AVL9: variants seen among roughly 807,000 people sequenced by gnomAD.
The protein encoded by AVL9 is late secretory pathway protein AVL9 homolog.
In AVL9, 49 loss-of-function variants were observed where a neutral mutation model predicts 79.2. The observed-to-expected ratio is 0.62, with a 90% CI of 0.49 to 0.79. The LOEUF (loss-of-function observed/expected upper bound fraction) is 0.79. AVL9 is among the 30% of genes least tolerant of loss of function. The pLI is 0.00. For missense variants in AVL9, 682 were observed against 776.8 expected (o/e 0.88, Z 1.45); for synonymous variants, 299 against 280.6 (o/e 1.07, Z -0.65).
At chr7:32,578,345 A>AT (rs1791191569) in intron 13 of AVL9, among the ~76,000 whole-genome samples, 1 of 152,134 alleles carries the variant, frequency 6.6e-6, no homozygotes, top group Non-Finnish European at 1.5e-5. Context: ...ATTAATGCAG[A>AT]TTTTCTCTAC....
At chr7:32,547,655 C>G (rs747849002) in intron 3 of AVL9, among the ~76,000 whole-genome samples, 19 of 152,156 alleles carry the variant, frequency 1.2e-4, no homozygotes, top group Non-Finnish European at 2.5e-4. Context: ...GATTGCTGTC[C>G]TTCTCAATAG....
chr7:32,555,175 T>A (rs979197940), intron 8 of AVL9, among the ~76,000 whole-genome samples: 2 of 152,036 alleles, frequency 1.3e-5, no homozygotes, highest in African/African-American at 4.8e-5. Context: ...AAACCCCATC[T>A]CTACAAAAAA....
At chr7:32,563,190 C>T (rs1157252550) in intron 10 of AVL9, among the ~76,000 whole-genome samples, 1 of 151,972 alleles carries the variant, frequency 6.6e-6, no homozygotes, top group African/African-American at 2.4e-5. Context: ...CATCACTCTG[C>T]CTGGCTGATT....
intron 11 of AVL9, among the ~76,000 whole-genome samples, chr7:32,570,410 A>G (rs2038684823): frequency 6.6e-6 from 1 of 152,206 alleles, no homozygotes; most frequent in Admixed American, 6.5e-5. Context: ...AATATCAAAC[A>G]GCCAGTAAAC....
At chr7:32,557,388 TCATGTACTG>T (rs1461739505) in intron 8 of AVL9, among the ~76,000 whole-genome samples, 1 of 152,132 alleles carries the variant, frequency 6.6e-6, no homozygotes, top group East Asian at 1.9e-4. Context: ...CAGTCAAGGA[TCATGTACTG>T]CATTGCTAGC....
At chr7:32,547,923 A>G (rs2128136303) in intron 3 of AVL9, among the ~76,000 whole-genome samples, 1 of 152,348 alleles carries the variant, frequency 6.6e-6, no homozygotes, top group South Asian at 2.1e-4. Context: ...CTTCCCTCAC[A>G]GCCTTGCCTG....
At chr7:32,574,629 A>C (rs1791001745) in intron 12 of AVL9, among the ~76,000 whole-genome samples, 1 of 152,048 alleles carries the variant, frequency 6.6e-6, no homozygotes, top group Non-Finnish European at 1.5e-5. Flanking sequence ...TGAGCACTTT[A>C]CATCTAGTAA....
chr7:32,565,738 C>T (rs982571629), intron 10 of AVL9, among the ~76,000 whole-genome samples: 8 of 150,498 alleles, frequency 5.3e-5, no homozygotes, highest in African/African-American at 1.7e-4. Flanking sequence ...CCAGGTGCGA[C>T]GGCTCATGCC....
chr7:32,521,786 CT>C (rs1381217389), intron 1 of AVL9, among the ~76,000 whole-genome samples: 1 of 152,158 alleles, frequency 6.6e-6, no homozygotes, highest in East Asian at 1.9e-4. Flanking sequence ...ACAGCCCCTC[CT>C]ATCACAGGCC....
chr7:32,509,318 A>C (rs529902803), intron 1 of AVL9, among the ~76,000 whole-genome samples: 116 of 152,158 alleles, frequency 7.6e-4, no homozygotes, highest in African/African-American at 1.4e-3. Context: ...AAAAAACACA[A>C]TAAAAAACAA....
chr7:32,547,702 T>C (rs980606719), intron 3 of AVL9, among the ~76,000 whole-genome samples: 1 of 152,200 alleles, frequency 6.6e-6, no homozygotes, highest in Admixed American at 6.5e-5. Flanking sequence ...AAACCAATTA[T>C]TGGAGGGACC....
intron 1 of AVL9, chr7:32,536,556 ATC>A (rs1788919426): frequency 1.3e-5 from 2 of 151,974 alleles, no homozygotes; most frequent in Admixed American, 1.3e-4. Context: ...TTCATGCTTA[ATC>A]TCTGATAATT....
At chr7:32,524,494 G>A (rs1341636615) in intron 1 of AVL9, among the ~76,000 whole-genome samples, 1 of 151,408 alleles carries the variant, frequency 6.6e-6, no homozygotes, top group Admixed American at 6.6e-5. Flanking sequence ...CTCCCTGGGC[G>A]GCTGAGCGAG....
chr7:32,535,882 G>T (rs1400537460), intron 1 of AVL9: 1 of 152,142 alleles, frequency 6.6e-6, no homozygotes, highest in Non-Finnish European at 1.5e-5. Context: ...TCTCTTGATA[G>T]TGAATGAATC....
chr7:32,515,068 C>T (rs2128120276), intron 1 of AVL9, among the ~76,000 whole-genome samples: 1 of 152,318 alleles, frequency 6.6e-6, no homozygotes, highest in Middle Eastern at 3.4e-3. Context: ...TCCATAGACA[C>T]AGTAACAATC....
At chr7:32,518,082 C>T (rs1005539813) in intron 1 of AVL9, among the ~76,000 whole-genome samples, 4 of 152,146 alleles carry the variant, frequency 2.6e-5, no homozygotes, top group Admixed American at 1.3e-4. Context: ...CGACCCAACT[C>T]GGCCTCACAA....
chr7:32,580,113 C>A (rs1008685093), intron 13 of AVL9, 106 bp from the exon 14 acceptor site: 7 of 847,950 alleles, frequency 8.3e-6, no homozygotes, highest in Admixed American at 2.2e-5. Flanking sequence ...GCACTACCAC[C>A]CAGCTGTGTT....
At chr7:32,506,753 A>AAAAAAAG (rs1242159893) in intron 1 of AVL9, among the ~76,000 whole-genome samples, 1 of 152,000 alleles carries the variant, frequency 6.6e-6, no homozygotes, top group Non-Finnish European at 1.5e-5. Flanking sequence ...ATTTAAAAAA[A>AAAAAAAG]AAAAAAGAAA....
chr7:32,527,212 C>A (rs1179802496), intron 1 of AVL9, among the ~76,000 whole-genome samples: 1 of 152,154 alleles, frequency 6.6e-6, no homozygotes, highest in Non-Finnish European at 1.5e-5. Context: ...CTATCCACTT[C>A]AGCCATAAAT....
Sources: allele counts gnomAD v4.1 joint callset (sites outside exome capture counted in the v4.1 genomes callset), GRCh38; gene constraint gnomAD v4.1.1; transcripts MANE v1.5; gene names NCBI Gene and HGNC (gene_info 2026-07-23, HGNC 2026-07-21).